Variants in PKHD1 observed in about 807,000 individuals in gnomAD.
The protein encoded by PKHD1 is fibrocystin.
PKHD1 carries 291 observed loss-of-function variants against 412.0 expected under a neutral mutation model. The ratio of observed to expected loss-of-function variants is 0.71; its 90% CI spans 0.64 to 0.78. The LOEUF (loss-of-function observed/expected upper bound fraction) is 0.78, where lower values mean the gene tolerates loss of function less well. Among genes scored for constraint, PKHD1 ranks in the 30% least tolerant of loss-of-function variants. PKHD1 has a pLI of 0.00. For missense variants in PKHD1, 4,825 were observed against 4,950.7 expected (o/e 0.97, Z 0.76); for synonymous variants, 1,777 against 1,821.5 (o/e 0.98, Z 0.62).
chr6:51,893,765 T>A (rs186703393), intron 43 of PKHD1, among the ~76,000 whole-genome samples: 221 of 152,254 alleles, frequency 1.5e-3, no homozygotes, highest in African/African-American at 5.0e-3. Context: ...AAAAAGTGAG[T>A]TAACCCTTCA....
At chr6:51,925,793 C>CT (rs1227935183) in intron 37 of PKHD1, among the ~76,000 whole-genome samples, 395 of 152,056 alleles carry the variant, frequency 2.6e-3, no homozygotes, top group Middle Eastern at 6.8e-3. Context: ...TCTCTCCCTT[C>CT]CTCTCTCTCT....
At chr6:51,820,075 T>C (rs1201183552) in intron 52 of PKHD1, among the ~76,000 whole-genome samples, 1 of 152,232 alleles carries the variant, frequency 6.6e-6, no homozygotes, top group Non-Finnish European at 1.5e-5. Flanking sequence ...ATCACTTACA[T>C]AGCTGGAAGC....
chr6:51,855,402 T>TAAA (rs1773102101), intron 49 of PKHD1, among the ~76,000 whole-genome samples: 1 of 152,218 alleles, frequency 6.6e-6, no homozygotes. Context: ...CTGCTCTTAT[T>TAAA]TGTCTCCCTT....
At chr6:51,975,061 A>G (rs970293214) in intron 35 of PKHD1, among the ~76,000 whole-genome samples, 2 of 151,918 alleles carry the variant, frequency 1.3e-5, no homozygotes, top group African/African-American at 4.8e-5. Context: ...ACAGAAAACT[A>G]AATAAATAAA....
At chr6:51,645,284 A>G (rs1769940060) in intron 63 of PKHD1, among the ~76,000 whole-genome samples, 1 of 152,252 alleles carries the variant, frequency 6.6e-6, no homozygotes, top group South Asian at 2.1e-4. Flanking sequence ...AGGTAATAAT[A>G]GATAATTGTG....
chr6:51,729,750 A>T (rs1023604659), intron 60 of PKHD1, among the ~76,000 whole-genome samples: 6 of 152,218 alleles, frequency 3.9e-5, no homozygotes, highest in Non-Finnish European at 8.8e-5. Flanking sequence ...TATGATTGGG[A>T]AAATAATAAT....
intron 48 of PKHD1, among the ~76,000 whole-genome samples, chr6:51,864,264 T>C (rs1217147270): frequency 6.6e-6 from 1 of 152,172 alleles, no homozygotes; most frequent in African/African-American, 2.4e-5. Context: ...ACATTAGGAA[T>C]GTCAGACTTT....
intron 60 of PKHD1, among the ~76,000 whole-genome samples, chr6:51,717,851 A>T (rs1781462043): frequency 6.6e-6 from 1 of 152,216 alleles, no homozygotes; most frequent in East Asian, 1.9e-4. Context: ...AGGTAGCCTG[A>T]GTTCAAAAAG....
At chr6:51,733,608 A>T (rs1256000) in intron 60 of PKHD1, among the ~76,000 whole-genome samples, 1 of 151,620 alleles carries the variant, frequency 6.6e-6, no homozygotes, top group Non-Finnish European at 1.5e-5. Flanking sequence ...AACATAAGCC[A>T]GTCTAAAAAG....
intron 63 of PKHD1, among the ~76,000 whole-genome samples, chr6:51,642,042 A>AAT (rs901771437): frequency 5.3e-5 from 8 of 152,174 alleles, no homozygotes; most frequent in African/African-American, 1.9e-4. Context: ...CTTAAAGTAT[A>AAT]ATAATAAATA....
chr6:51,899,286 A>G (rs910208518), intron 43 of PKHD1, among the ~76,000 whole-genome samples: 1 of 151,764 alleles, frequency 6.6e-6, no homozygotes, highest in Admixed American at 6.6e-5. Context: ...TGGCAAAACG[A>G]ATCCAGCAGC....
intron 60 of PKHD1, among the ~76,000 whole-genome samples, chr6:51,661,496 T>C (rs1408126778): frequency 3.3e-5 from 5 of 152,170 alleles, no homozygotes; most frequent in Non-Finnish European, 5.9e-5. Flanking sequence ...TCAAACTATA[T>C]AATTTTCTCA....
chr6:52,055,585 A>G lies in PKHD1; in HGVS notation c.1836+2T>C. On this transcript the variant is annotated splice_donor_variant, in intron 19 of 66. Coordinates refer to ENST00000371117, the MANE Select transcript of PKHD1 (RefSeq NM_138694.4). LOFTEE classifies it high-confidence loss of function. ...CCCAGAAGCACAAAGACTGCTACTC[A>G]CGTGTGTATACTGATCTAGCCGATA... 2 of 1,613,934 alleles carry G rather than the reference A, an allele frequency of 1.2e-6. No individual in the cohort carries two copies. Among genetic ancestry groups the G allele is most frequent in the Non-Finnish European group, 1.7e-6 (2 of 1,179,888 alleles).
At chr6:51,792,382 C>T (rs546338026) in intron 52 of PKHD1, among the ~76,000 whole-genome samples, 1 of 152,338 alleles carries the variant, frequency 6.6e-6, no homozygotes, top group African/African-American at 2.4e-5. Context: ...AATCTCATCT[C>T]TCATTCTAGG....
chr6:51,863,246 G>A (rs1268244455), intron 48 of PKHD1, among the ~76,000 whole-genome samples: 1 of 124,290 alleles, frequency 8.0e-6, no homozygotes. Context: ...TTTCAAACAT[G>A]TACTGTATAT....
chr6:51,855,410 C>T (rs7759881), intron 49 of PKHD1, among the ~76,000 whole-genome samples: 61,198 of 152,052 alleles, frequency 0.4, 13,509 homozygotes, highest in East Asian at 0.85. Context: ...ATTTGTCTCC[C>T]TTAACCCAAT....
In PKHD1 at chr6:51,748,509, A is replaced by C. The variant is rs893497345; in HGVS notation, c.9107T>G (p.Val3036Gly). 1.9e-5 allele frequency: 31 copies of C among 1,613,668 alleles called. No individual in the cohort carries two copies. The highest frequency in any genetic ancestry group is 1.0e-4 in the Admixed American group (6 of 59,910). The part of the protein sequence containing the change: ...GGIHAAASHG[V>G]LLNDNIVFGT... ...AAACACAATATTGTCATTTAAAAGT[A>C]CTCCATGACTGGCAGCTGCATGAAT... Residue 3036 changes from valine to glycine, a missense_variant, in exon 58 of 67, where the codon GTA becomes GGA. Transcript: ENST00000371117.
chr6:51,913,763 A>G (rs1393447674), intron 37 of PKHD1, among the ~76,000 whole-genome samples: 1 of 152,098 alleles, frequency 6.6e-6, no homozygotes, highest in Non-Finnish European at 1.5e-5. Flanking sequence ...CACTTGTACC[A>G]ATAATGTTCT....
At chr6:52,047,130 C>A (rs938809071) in intron 23 of PKHD1, among the ~76,000 whole-genome samples, 1 of 152,174 alleles carries the variant, frequency 6.6e-6, no homozygotes, top group African/African-American at 2.4e-5. Flanking sequence ...GTTTTGCAGG[C>A]GGTGATCTGA....
Sources: gnomAD v4.1 joint callset for allele counts (sites outside exome capture counted in the v4.1 genomes callset) on GRCh38, gnomAD v4.1.1 for gene constraint, MANE v1.5 for transcripts, NCBI Gene and HGNC (gene_info 2026-07-23, HGNC 2026-07-21) for gene names.